Variants in TBX20 observed in about 807,000 individuals in gnomAD.
TBX20 encodes T-box transcription factor TBX20.
TBX20 carries 8 observed loss-of-function variants against 42.9 expected under a neutral mutation model. The observed-to-expected ratio is 0.19, with a 90% confidence interval of 0.11 to 0.34. The LOEUF is 0.34. TBX20 is among the 10% of genes least tolerant of loss of function. TBX20 has a pLI of 1.00. For missense variants in TBX20, 411 were observed against 566.0 expected, an observed-to-expected ratio of 0.73 and a Z score of 2.78; for synonymous variants, 198 against 222.8, an observed-to-expected ratio of 0.89 and a Z score of 0.99.
intron 5 of TBX20, among the ~76,000 whole-genome samples, chr7:35,233,244 T>C (rs1789901905): frequency 6.6e-6 from 1 of 152,208 alleles, no homozygotes; most frequent in Non-Finnish European, 1.5e-5. Flanking sequence ...CCTCACATAC[T>C]AACCCAGCCA....
In TBX20 at chr7:35,224,180, T is replaced by C. The variant is rs536493051; in HGVS notation, c.890+7324A>G. Among the ~76,000 whole-genome samples, 14 of 152,336 alleles carry C rather than the reference T, an allele frequency of 9.2e-5. No homozygotes were observed. The South Asian group carries it at 2.5e-3, about 27-fold the overall frequency. On this transcript the variant is annotated intron_variant, in intron 6 of 7. Transcript: ENST00000408931. ...GATAAAATCTTCAGGTAAATGATCATTTCTTTGCTTTTCAAACTGATTCTA... is the reference window on the plus strand; with the variant it reads ...GATAAAATCTTCAGGTAAATGATCACTTCTTTGCTTTTCAAACTGATTCTA...
intron 6 of TBX20, among the ~76,000 whole-genome samples, chr7:35,208,113 CAAT>C (rs1249381124): frequency 6.6e-6 from 1 of 152,170 alleles, no homozygotes; most frequent in Non-Finnish European, 1.5e-5. Context: ...TTTCTCTCAA[CAAT>C]GTTTTTGTAG....
At position 35,210,147 on chromosome 7, in the gene TBX20, C is replaced by G. The variant is rs550887006; in HGVS notation, c.891-5565G>C. 3.0e-3 allele frequency among the ~76,000 whole-genome samples: 437 copies of G among 144,148 alleles called. 2 individuals carry two copies. Among genetic ancestry groups the G allele is most frequent in the Non-Finnish European group, 5.1e-3 (339 of 66,738 alleles). The allele number at this position is 144,148 out of a possible 152,430, so 94.6% of individuals were successfully genotyped here. A position where few individuals can be genotyped will look rare whatever the true frequency, so the allele number is the denominator to read the frequency against. On this transcript the variant is annotated intron_variant, in intron 6 of 7. Transcript: ENST00000408931. ...TTTTTTTTTTTGAGACGGAGTCTCACTCTGTCGCCCAGGCTGGAGTGCAGT... is the reference window on the plus strand; with the variant it reads ...TTTTTTTTTTTGAGACGGAGTCTCAGTCTGTCGCCCAGGCTGGAGTGCAGT...
chr7:35,214,746 C>T (rs1789553294), intron 6 of TBX20, among the ~76,000 whole-genome samples: 1 of 152,160 alleles, frequency 6.6e-6, no homozygotes, highest in Non-Finnish European at 1.5e-5. Context: ...AACATACATT[C>T]AAGCTGATGT....
At position 35,249,969 on chromosome 7, in the gene TBX20, A is replaced by T. The variant is rs1256735922; in HGVS notation, c.362T>A (p.Ile121Asn). ...DKFHELGTEM[I>N]ITKSGRRMFP... ...CAACTACCTGCCCGACTTGGTGATG[A>T]TCATCTCGGTGCCCAGCTCATGGAA... is the stretch of plus-strand genomic sequence containing the variant. Residue 121 changes from isoleucine (I) to asparagine (N), a missense_variant, in exon 2 of 8, where the codon ATC becomes AAC. Coordinates refer to ENST00000408931, the MANE Select transcript of TBX20 (RefSeq NM_001077653.2). This position sits in a 1 kb window ranked among gnomAD's most constrained non-coding sequence, Gnocchi z 4.3. The T allele has an allele frequency of 6.2e-7, 1 of 1,606,716 alleles. No individual in the cohort carries two copies. Among genetic ancestry groups the T allele is most frequent in the Non-Finnish European group, 8.5e-7 (1 of 1,175,338 alleles).
At chr7:35,209,365 T>A (rs1436592422) in intron 6 of TBX20, among the ~76,000 whole-genome samples, 1 of 152,112 alleles carries the variant, frequency 6.6e-6, no homozygotes, top group Non-Finnish European at 1.5e-5. Flanking sequence ...ACTATCAGAG[T>A]ATCTGTTTTC....
intron 6 of TBX20, among the ~76,000 whole-genome samples, chr7:35,208,826 C>A (rs1285198323): frequency 1.1e-4 from 14 of 132,486 alleles, no homozygotes; most frequent in African/African-American, 4.1e-4. Flanking sequence ...AGAAAGCATT[C>A]AATTTTTCAC....
chr7:35,253,434 G>A (rs775986671), intron 1 of TBX20, 60 bp downstream of exon 1: 255 of 1,570,050 alleles, frequency 1.6e-4, no homozygotes, highest in Non-Finnish European at 2.1e-4. Flanking sequence ...TGCAGCCAGG[G>A]GCACAGACGG....
chr7:35,240,332 G>A (rs1010741331), intron 5 of TBX20, among the ~76,000 whole-genome samples: 7 of 152,234 alleles, frequency 4.6e-5, no homozygotes, highest in African/African-American at 1.7e-4. Flanking sequence ...TACTCACCCT[G>A]CATATAACTC....
intron 1 of TBX20, among the ~76,000 whole-genome samples, chr7:35,253,137 A>G (rs1790337007): frequency 6.6e-6 from 1 of 152,206 alleles, no homozygotes; most frequent in African/African-American, 2.4e-5. Flanking sequence ...TCAAACGCAC[A>G]AGCAGGTGTT....
At chr7:35,220,582 A>T (rs2128711984) in intron 6 of TBX20, among the ~76,000 whole-genome samples, 1 of 152,366 alleles carries the variant, frequency 6.6e-6, no homozygotes, top group African/African-American at 2.4e-5. Context: ...AATGGCAATA[A>T]ATGCATTGCC....
Position 35,202,665 on chromosome 7 carries a change from G to A in TBX20, c.1109C>T (p.Thr370Ile). 1 of 1,613,398 alleles carries A rather than the reference G, an allele frequency of 6.2e-7. No homozygotes were observed. The highest frequency in any genetic ancestry group is 8.5e-7 in the Non-Finnish European group (1 of 1,179,684). ...GGGTGTTGCTATGGATGCTGTGCTG[G>A]TGCCAAGAGCAGTCAGGGACTGTGG... The part of the protein sequence containing the change: ...QHPQSLTALG[T>I]STASIATPIP... The change falls in exon 8 of 8, where the codon ACC (threonine) becomes ATC (isoleucine). Residue 370 changes from threonine (T) to isoleucine (I), a missense_variant. Physicochemically the swap from Thr to Ile is moderately conservative, Grantham distance 89. Coordinates refer to ENST00000408931, the MANE Select transcript of TBX20 (RefSeq NM_001077653.2).
At chr7:35,226,054 T>G (rs1789764003) in intron 6 of TBX20, among the ~76,000 whole-genome samples, 1 of 152,104 alleles carries the variant, frequency 6.6e-6, no homozygotes, top group African/African-American at 2.4e-5. Context: ...ATTAATAGTA[T>G]TCAGGCCACT....
chr7:35,230,211 C>T (rs1789844430), intron 6 of TBX20, among the ~76,000 whole-genome samples: 1 of 152,128 alleles, frequency 6.6e-6, no homozygotes, highest in South Asian at 2.1e-4. Context: ...AAAGTCATGC[C>T]TAAATGAAGT....
chr7:35,227,171 A>G (rs530400491), intron 6 of TBX20, among the ~76,000 whole-genome samples: 8 of 152,142 alleles, frequency 5.3e-5, no homozygotes, highest in Non-Finnish European at 1.0e-4. Flanking sequence ...TACAATGTGT[A>G]TGTTTTAATC....
At chr7:35,205,877 C>T (rs1302365028) in intron 6 of TBX20, among the ~76,000 whole-genome samples, 1 of 152,154 alleles carries the variant, frequency 6.6e-6, no homozygotes, top group Non-Finnish European at 1.5e-5. Flanking sequence ...GATCCAGATC[C>T]ACTGCATTAA....
At chr7:35,234,934 T>C (rs1189583351) in intron 5 of TBX20, among the ~76,000 whole-genome samples, 1 of 152,134 alleles carries the variant, frequency 6.6e-6, no homozygotes, top group Non-Finnish European at 1.5e-5. Context: ...GAGCCCACCA[T>C]GTTCCTTGTA....
At chr7:35,204,324 G>A (rs1273013608) in intron 7 of TBX20, 146 bp downstream of exon 7, 9 of 706,770 alleles carry the variant, frequency 1.3e-5, no homozygotes, top group Middle Eastern at 3.5e-4. Flanking sequence ...GATCAGTGTC[G>A]GGGCTCTCCC....
At chr7:35,222,456 G>C (rs1251458040) in intron 6 of TBX20, among the ~76,000 whole-genome samples, 1 of 152,172 alleles carries the variant, frequency 6.6e-6, no homozygotes, top group Non-Finnish European at 1.5e-5. Flanking sequence ...CATAATGCTT[G>C]AAGCTGGGTT....
Sources: gnomAD v4.1 joint callset for allele counts (sites outside exome capture counted in the v4.1 genomes callset) on GRCh38, gnomAD v4.1.1 for gene constraint, Gnocchi (gnomAD v3.1) non-coding constraint, MANE v1.5 for transcripts, NCBI Gene and HGNC (gene_info 2026-07-23, HGNC 2026-07-21) for gene names.